KDM4C: variants seen among roughly 807,000 people sequenced by gnomAD.
The protein encoded by KDM4C is lysine-specific demethylase 4C.
Under a neutral mutation model 129.3 loss-of-function variants are expected in KDM4C, and 81 were observed. The observed-to-expected ratio is 0.63, with a 90% CI of 0.52 to 0.75. The LOEUF (loss-of-function observed/expected upper bound fraction) is 0.75, where lower values mean the gene tolerates loss of function less well. Among genes scored for constraint, KDM4C ranks in the 30% least tolerant of loss-of-function variants. The pLI, the probability that KDM4C is intolerant of heterozygous loss-of-function variation, is 0.00. For missense variants in KDM4C, 1,457 were observed against 1,304.0 expected (o/e 1.12, Z -1.81); for synonymous variants, 573 against 456.1 (o/e 1.26, Z -3.26).
upstream of KDM4C, among the ~76,000 whole-genome samples, chr9:6,753,774 G>T (rs945535684): frequency 4.6e-5 from 7 of 151,842 alleles, 1 homozygote. Context: ...AGCCCTCATG[G>T]ACTAATCATC....
intron 17 of KDM4C, among the ~76,000 whole-genome samples, chr9:7,062,178 C>T (rs1046227908): frequency 6.6e-6 from 1 of 152,192 alleles, no homozygotes; most frequent in Non-Finnish European, 1.5e-5. Flanking sequence ...CCGTGTTAGC[C>T]AGGATGGTCT....
At chr9:7,124,914 C>T (rs1839876420) in intron 18 of KDM4C, among the ~76,000 whole-genome samples, 1 of 152,094 alleles carries the variant, frequency 6.6e-6, no homozygotes, top group South Asian at 2.1e-4. Flanking sequence ...CCCCTTTGTC[C>T]AAATCATGAG....
At chr9:6,980,376 T>C (rs1283379078) in intron 8 of KDM4C, among the ~76,000 whole-genome samples, 3 of 152,210 alleles carry the variant, frequency 2.0e-5, no homozygotes, top group Non-Finnish European at 4.4e-5. Context: ...GTTGATGGTA[T>C]TGGATGTTGT....
chr9:7,059,739 G>T (rs976365106), intron 17 of KDM4C, among the ~76,000 whole-genome samples: 1 of 152,110 alleles, frequency 6.6e-6, no homozygotes, highest in South Asian at 2.1e-4. Context: ...ATTAAACTGG[G>T]CAGAGATTGG....
At chr9:6,797,305 A>G (rs1055386310) in intron 2 of KDM4C, among the ~76,000 whole-genome samples, 2 of 152,168 alleles carry the variant, frequency 1.3e-5, no homozygotes, top group African/African-American at 4.8e-5. Context: ...CACTATTGAC[A>G]AGATTTAATG....
At chr9:7,133,977 G>A (rs1840918803) in intron 19 of KDM4C, among the ~76,000 whole-genome samples, 1 of 152,170 alleles carries the variant, frequency 6.6e-6, no homozygotes, top group South Asian at 2.1e-4. Context: ...GATACCCCTT[G>A]TCAGTGAGCT....
intron 1 of KDM4C, among the ~76,000 whole-genome samples, chr9:6,765,561 A>G (rs899005523): frequency 3.3e-5 from 5 of 152,086 alleles, no homozygotes; most frequent in Non-Finnish European, 7.4e-5. Context: ...ATTTCCTTCT[A>G]TTCTATATAG....
At chr9:7,017,657 C>T (rs1823928159) in intron 15 of KDM4C, among the ~76,000 whole-genome samples, 1 of 152,152 alleles carries the variant, frequency 6.6e-6, no homozygotes, top group Non-Finnish European at 1.5e-5. Flanking sequence ...AATCAGACCT[C>T]AGCAGTGTAT....
chr9:7,118,179 A>C (rs1213202928), intron 18 of KDM4C, among the ~76,000 whole-genome samples: 1 of 152,226 alleles, frequency 6.6e-6, no homozygotes, highest in African/African-American at 2.4e-5. Flanking sequence ...CAGACATTAA[A>C]GTGAATAAGA....
At chr9:6,992,854 G>C (rs946930) in intron 12 of KDM4C, among the ~76,000 whole-genome samples, 2 of 152,198 alleles carry the variant, frequency 1.3e-5, no homozygotes, top group East Asian at 1.9e-4. Context: ...AGTGTCTTCT[G>C]TTGGTGAACG....
At chr9:7,163,996 C>T (rs1305257483) in intron 19 of KDM4C, among the ~76,000 whole-genome samples, 4 of 152,154 alleles carry the variant, frequency 2.6e-5, no homozygotes. Context: ...TTATAAGGCA[C>T]AATTTCTATT....
chr9:6,915,254 T>C (rs538235906), intron 8 of KDM4C, among the ~76,000 whole-genome samples: 2 of 152,348 alleles, frequency 1.3e-5, no homozygotes, highest in South Asian at 4.1e-4. Flanking sequence ...GTTTAGGTTT[T>C]ACAAAACAGG....
chr9:6,740,071 G>T (rs939145721), intron 1 of KDM4C, among the ~76,000 whole-genome samples: 1 of 151,754 alleles, frequency 6.6e-6, no homozygotes, highest in African/African-American at 2.4e-5. Context: ...TGTATTTTTA[G>T]TAGAGACGGG....
At chr9:7,021,133 T>TGA (rs1315260149) in intron 15 of KDM4C, among the ~76,000 whole-genome samples, 1 of 112,418 alleles carries the variant, frequency 8.9e-6, no homozygotes, top group Non-Finnish European at 1.9e-5. Context: ...TGTGTGTGTG[T>TGA]GTGTGTGTAT....
intron 19 of KDM4C, among the ~76,000 whole-genome samples, chr9:7,149,295 G>A (rs1358147320): frequency 6.6e-6 from 1 of 152,242 alleles, no homozygotes; most frequent in African/African-American, 2.4e-5. Flanking sequence ...AGACACGATG[G>A]CAACTTTGTT....
chr9:6,721,202 T>A (rs1588022881), intron 1 of KDM4C: 2 of 389,504 alleles, frequency 5.1e-6, no homozygotes, highest in East Asian at 8.2e-5. Context: ...GTCTTCCCAG[T>A]AGCTGGGATT....
intron 18 of KDM4C, among the ~76,000 whole-genome samples, chr9:7,109,165 A>G (rs1366479464): frequency 1.3e-5 from 2 of 152,234 alleles, no homozygotes; most frequent in Non-Finnish European, 2.9e-5. Context: ...GTATGTGTGT[A>G]GGCTGTTGCC....
chr9:6,978,354 TTTATA>T (rs1465311370), intron 8 of KDM4C, among the ~76,000 whole-genome samples: 11 of 145,822 alleles, frequency 7.5e-5, no homozygotes, highest in African/African-American at 2.7e-4. Context: ...GTGTAATCTT[TTTATA>T]TTATCTTTTA....
intron 2 of KDM4C, among the ~76,000 whole-genome samples, chr9:6,804,752 C>T (rs962499954): frequency 7.1e-5 from 10 of 141,058 alleles, no homozygotes; most frequent in East Asian, 2.0e-4. Context: ...AGTGAGACTC[C>T]GTCTCAAAAA....
Sources: allele counts gnomAD v4.1 joint callset (sites outside exome capture counted in the v4.1 genomes callset), GRCh38; gene constraint gnomAD v4.1.1; transcripts MANE v1.5; gene names NCBI Gene and HGNC (gene_info 2026-07-23, HGNC 2026-07-21).